The following FBXL17 variants were observed in gnomAD, a reference collection of about 807,000 sequenced individuals.
FBXL17 encodes F-box/LRR-repeat protein 17.
In FBXL17, 22 loss-of-function variants were observed where a neutral mutation model predicts 66.2. That is an observed-to-expected ratio of 0.33 (90% confidence interval 0.24 to 0.47). The LOEUF (loss-of-function observed/expected upper bound fraction) is 0.47. Ranked by LOEUF, FBXL17 falls within the 20% of genes least tolerant of loss-of-function variation. FBXL17 has a pLI of 1.00. For synonymous variants in FBXL17, 474 were observed against 400.5 expected (o/e 1.18, Z -2.19); for missense variants, 878 against 948.2 (o/e 0.93, Z 0.97).
intron 4 of FBXL17, among the ~76,000 whole-genome samples, chr5:108,251,771 T>C (rs1013365196): frequency 2.6e-5 from 4 of 152,118 alleles, no homozygotes; most frequent in Non-Finnish European, 4.4e-5. Context: ...ATCAATCCTA[T>C]ATAAATTGTT....
At chr5:107,930,012 C>T (rs760769278) in intron 7 of FBXL17, among the ~76,000 whole-genome samples, 10 of 152,302 alleles carry the variant, frequency 6.6e-5, no homozygotes, top group Middle Eastern at 3.4e-3. Flanking sequence ...ATCTCCATGG[C>T]CACTGTCACC....
intron 7 of FBXL17, among the ~76,000 whole-genome samples, chr5:107,969,321 G>A (rs568890536): frequency 1.3e-5 from 2 of 152,124 alleles, no homozygotes; most frequent in South Asian, 4.2e-4. Flanking sequence ...GTACACTTTA[G>A]TATACACTCT....
At chr5:108,189,796 G>A (rs1053478528) in intron 5 of FBXL17, among the ~76,000 whole-genome samples, 1 of 152,176 alleles carries the variant, frequency 6.6e-6, no homozygotes, top group African/African-American at 2.4e-5. Flanking sequence ...GAAGAACTAA[G>A]CAACTGTGCT....
At chr5:107,961,751 G>A (rs2112629098) in intron 7 of FBXL17, among the ~76,000 whole-genome samples, 1 of 152,198 alleles carries the variant, frequency 6.6e-6, no homozygotes, top group African/African-American at 2.4e-5. Flanking sequence ...ATTCAAGAAT[G>A]CTTGCATTTC....
chr5:108,055,970 A>T (rs1238895529), intron 6 of FBXL17, among the ~76,000 whole-genome samples: 1 of 152,250 alleles, frequency 6.6e-6, no homozygotes, highest in African/African-American at 2.4e-5. Flanking sequence ...ACTAAGACCT[A>T]CATGGAATCA....
At chr5:108,367,500 GT>G (rs1465436294) in intron 2 of FBXL17, among the ~76,000 whole-genome samples, 2 of 152,092 alleles carry the variant, frequency 1.3e-5, no homozygotes, top group East Asian at 3.9e-4. Flanking sequence ...CTACAGAAAT[GT>G]TTGCCATCAT....
Position 108,381,527 on chromosome 5 carries a change from G to A in FBXL17, c.165C>T (p.Phe55=). 1.4e-6 allele frequency: 2 copies of A among 1,415,554 alleles called. No homozygotes were observed. Among genetic ancestry groups the A allele is most frequent in the South Asian group, 1.5e-5 (1 of 66,812 alleles). 87.7% of individuals were successfully genotyped at this position (1,415,554 alleles called of 1,614,324 possible). A position where few individuals can be genotyped will look rare whatever the true frequency, so the allele number is the denominator to read the frequency against. ...TGAAGCAGAGCATGCAGGGCCCGCGGAAGAAGCAGTCCCGGCTCCGGGGCG... is the reference window on the plus strand; with the variant it reads ...TGAAGCAGAGCATGCAGGGCCCGCGAAAGAAGCAGTCCCGGCTCCGGGGCG... ...PAAPRSRDCF[F]RGPCMLCFIV... is the part of the protein sequence containing the mutation. The change falls in exon 1 of 9, where the codon TTC becomes TTT. Residue 55 remains phenylalanine (F), a synonymous_variant. Transcript: ENST00000542267.
chr5:108,237,667 A>T (rs183139332), intron 4 of FBXL17, among the ~76,000 whole-genome samples: 147 of 152,282 alleles, frequency 9.7e-4, no homozygotes, highest in African/African-American at 3.5e-3. Context: ...TGTACTTCAA[A>T]GTCCAGCAGG....
At chr5:108,126,664 C>CTCTCTCTCTCTCTCT (rs1561423141) in intron 6 of FBXL17, among the ~76,000 whole-genome samples, 44 of 107,952 alleles carry the variant, frequency 4.1e-4, no homozygotes, top group African/African-American at 1.4e-3. Flanking sequence ...TATATATATA[C>CTCTCTCTCTCTCTCT]ATATATATAT....
At chr5:107,927,818 T>C (rs1186053104) in intron 7 of FBXL17, among the ~76,000 whole-genome samples, 2 of 152,134 alleles carry the variant, frequency 1.3e-5, no homozygotes, top group Non-Finnish European at 2.9e-5. Context: ...GTATTCTACA[T>C]GTGTTCCAAG....
chr5:108,181,373 A>G (rs1175274519), intron 6 of FBXL17, among the ~76,000 whole-genome samples: 2 of 152,198 alleles, frequency 1.3e-5, no homozygotes, highest in African/African-American at 4.8e-5. Flanking sequence ...TAAATGTCAA[A>G]TGACTACTAG....
chr5:108,261,887 T>C (rs2150126510), intron 4 of FBXL17, among the ~76,000 whole-genome samples: 1 of 151,762 alleles, frequency 6.6e-6, no homozygotes, highest in South Asian at 2.1e-4. Flanking sequence ...AAAAATGTAA[T>C]AGGGAAGATT....
chr5:107,895,916 C>T (rs1333614131), intron 7 of FBXL17, among the ~76,000 whole-genome samples: 1 of 152,140 alleles, frequency 6.6e-6, no homozygotes, highest in East Asian at 1.9e-4. Context: ...GGCACTTTCT[C>T]TCTGTCATCC....
chr5:107,981,161 G>T (rs1439813793), intron 7 of FBXL17, among the ~76,000 whole-genome samples: 4 of 152,130 alleles, frequency 2.6e-5, no homozygotes, highest in Non-Finnish European at 2.9e-5. Flanking sequence ...AGACACTAAA[G>T]AGAGAGTGAG....
At chr5:107,894,130 T>C (rs1402085579) in intron 7 of FBXL17, among the ~76,000 whole-genome samples, 3 of 152,174 alleles carry the variant, frequency 2.0e-5, no homozygotes, top group Non-Finnish European at 4.4e-5. Context: ...TCTCACGGTA[T>C]CTAATAAACT....
chr5:108,197,445 A>G (rs1561459353), intron 5 of FBXL17, among the ~76,000 whole-genome samples: 1 of 152,152 alleles, frequency 6.6e-6, no homozygotes, highest in African/African-American at 2.4e-5. Context: ...AAAATTTCGA[A>G]CCAATTTCAG....
chr5:108,141,274 A>C (rs1053633840), intron 6 of FBXL17, among the ~76,000 whole-genome samples: 4 of 152,096 alleles, frequency 2.6e-5, no homozygotes, highest in Admixed American at 2.6e-4. Flanking sequence ...TTCCCTTCTT[A>C]GTGAAACCAT....
intron 4 of FBXL17, among the ~76,000 whole-genome samples, chr5:108,313,532 G>A (rs1372878754): frequency 6.6e-6 from 1 of 152,010 alleles, no homozygotes; most frequent in African/African-American, 2.4e-5. Flanking sequence ...GCCCTTAGTA[G>A]CTATATTAAA....
At chr5:108,356,767 T>C (rs1041711940) in intron 3 of FBXL17, among the ~76,000 whole-genome samples, 1 of 152,044 alleles carries the variant, frequency 6.6e-6, no homozygotes, top group Non-Finnish European at 1.5e-5. Context: ...TATATATTTG[T>C]CTAAACTCAT....
Sources: allele counts gnomAD v4.1 joint callset (sites outside exome capture counted in the v4.1 genomes callset), GRCh38; gene constraint gnomAD v4.1.1; transcripts MANE v1.5; gene names NCBI Gene and HGNC (gene_info 2026-07-23, HGNC 2026-07-21).